Variants in LINGO2 observed in about 807,000 individuals in gnomAD.
The protein encoded by LINGO2 is leucine rich repeat and Ig domain containing 2, also known as leucine-rich repeat and immunoglobulin-like domain-containing nogo receptor-interacting protein 2.
Under a neutral mutation model 30.6 loss-of-function variants are expected in LINGO2, and 14 were observed. The ratio of observed to expected loss-of-function variants is 0.46; its 90% confidence interval spans 0.30 to 0.72. The LOEUF is 0.72. LINGO2 is among the 30% of genes least tolerant of loss of function. The pLI is 0.07. For missense variants in LINGO2, 729 were observed against 751.7 expected, an observed-to-expected ratio of 0.97 and a Z score of 0.35; for synonymous variants, 317 against 288.5, an observed-to-expected ratio of 1.10 and a Z score of -1.00.
At chr9:29,166,141 A>G in the LINGO2 span, among the ~76,000 whole-genome samples, 31 of 152,152 alleles carry the variant, frequency 2.0e-4, no homozygotes, top group East Asian at 3.8e-4. Flanking sequence ...AACACGAATT[A>G]GGCAAGTAGA....
intron 1 of LINGO2, among the ~76,000 whole-genome samples, chr9:28,478,121 G>T (rs10757745): frequency 0.64 from 97,456 of 151,828 alleles, 31,411 homozygotes; most frequent in South Asian, 0.74. Flanking sequence ...ATCTATTATC[G>T]CTCCTCCTCA....
chr9:28,362,112 G>A (rs1362132235), intron 3 of LINGO2, among the ~76,000 whole-genome samples: 3 of 152,202 alleles, frequency 2.0e-5, no homozygotes, highest in Non-Finnish European at 4.4e-5. Flanking sequence ...TCTAAAGCTG[G>A]ACGTGGAAAT....
At chr9:28,341,017 T>C (rs1825748527) in intron 3 of LINGO2, among the ~76,000 whole-genome samples, 1 of 152,104 alleles carries the variant, frequency 6.6e-6, no homozygotes, top group South Asian at 2.1e-4. Context: ...TAGAGAATAA[T>C]GCATCATGAA....
the LINGO2 span, among the ~76,000 whole-genome samples, chr9:29,085,850 C>T: frequency 3.3e-5 from 5 of 152,082 alleles, no homozygotes; most frequent in Non-Finnish European, 7.4e-5. Flanking sequence ...GTAATTTGCC[C>T]TATTAACATA....
At chr9:29,031,614 T>C in the LINGO2 span, among the ~76,000 whole-genome samples, 1 of 152,262 alleles carries the variant, frequency 6.6e-6, no homozygotes, top group African/African-American at 2.4e-5. Flanking sequence ...TCCATATCTA[T>C]GACACTGAGT....
intron 4 of LINGO2, among the ~76,000 whole-genome samples, chr9:28,165,129 T>C (rs1828391116): frequency 6.6e-6 from 1 of 152,252 alleles, no homozygotes; most frequent in South Asian, 2.1e-4. Flanking sequence ...TCATTGTTAC[T>C]GCTTCCATTT....
chr9:28,876,054 A>AT, the LINGO2 span, among the ~76,000 whole-genome samples: 1 of 152,190 alleles, frequency 6.6e-6, no homozygotes, highest in East Asian at 1.9e-4. Context: ...CACTCCGAGT[A>AT]TTTTTTAAAC....
the LINGO2 span, among the ~76,000 whole-genome samples, chr9:29,184,411 A>AATAT: frequency 8.0e-6 from 1 of 124,284 alleles, no homozygotes; most frequent in Admixed American, 9.5e-5. Flanking sequence ...CTGCCAAGTA[A>AATAT]ATGTATTTTA....
chr9:28,179,321 A>G (rs1335347924), intron 4 of LINGO2, among the ~76,000 whole-genome samples: 2 of 144,506 alleles, frequency 1.4e-5, no homozygotes, highest in Admixed American at 1.4e-4. Context: ...TATATACTAT[A>G]CTATATGTAT....
chr9:29,114,176 A>T, the LINGO2 span, among the ~76,000 whole-genome samples: 1 of 150,940 alleles, frequency 6.6e-6, no homozygotes, highest in Non-Finnish European at 1.5e-5. Context: ...TTAATAATAT[A>T]TATATTTTTT....
At chr9:29,142,149 G>A in the LINGO2 span, among the ~76,000 whole-genome samples, 1 of 151,880 alleles carries the variant, frequency 6.6e-6, no homozygotes, top group South Asian at 2.1e-4. Flanking sequence ...TAAATGACAT[G>A]TTAGGCCACA....
the LINGO2 span, among the ~76,000 whole-genome samples, chr9:28,785,474 G>A: frequency 2.6e-5 from 4 of 152,030 alleles, no homozygotes; most frequent in Admixed American, 6.6e-5. Context: ...TACAGAAATC[G>A]CTTTGCTTAT....
chr9:28,094,516 T>A (rs1826187657), intron 4 of LINGO2, among the ~76,000 whole-genome samples: 1 of 150,644 alleles, frequency 6.6e-6, no homozygotes, highest in Admixed American at 6.6e-5. Flanking sequence ...AGGGGATATG[T>A]GTGTGTGTGT....
chr9:29,143,863 G>C, the LINGO2 span, among the ~76,000 whole-genome samples: 213 of 152,242 alleles, frequency 1.4e-3, no homozygotes, highest in African/African-American at 5.0e-3. Flanking sequence ...GTCCTGAATT[G>C]TATTGCCTAG....
chr9:27,950,021 A>G (rs112609154), exon 6 of LINGO2: 45 of 1,614,030 alleles, frequency 2.8e-5, no homozygotes, highest in Middle Eastern at 1.6e-4. Context: ...AGGCATACAC[A>G]GGCATATTGT....
At chr9:28,353,199 A>AT (rs1819988165) in intron 3 of LINGO2, among the ~76,000 whole-genome samples, 1 of 135,492 alleles carries the variant, frequency 7.4e-6, no homozygotes, top group Non-Finnish European at 1.6e-5. Flanking sequence ...AGAAACTACC[A>AT]TCAGAGTGAA....
At chr9:28,528,674 C>A (rs1200195935) in intron 1 of LINGO2, among the ~76,000 whole-genome samples, 3 of 152,030 alleles carry the variant, frequency 2.0e-5, no homozygotes, top group Admixed American at 2.0e-4. Context: ...AATAACTCTA[C>A]AAGAGATACT....
the LINGO2 span, among the ~76,000 whole-genome samples, chr9:29,123,150 C>T: frequency 6.6e-6 from 1 of 151,948 alleles, no homozygotes; most frequent in Non-Finnish European, 1.5e-5. Context: ...CAGGAGAAGG[C>T]AATGTAGACT....
chr9:28,781,076 C>T, the LINGO2 span, among the ~76,000 whole-genome samples: 2 of 151,988 alleles, frequency 1.3e-5, no homozygotes, highest in Non-Finnish European at 2.9e-5. Context: ...TCTTAGAAGC[C>T]TTGTATTTCA....
Sources: allele counts gnomAD v4.1 joint callset (sites outside exome capture counted in the v4.1 genomes callset), GRCh38; gene constraint gnomAD v4.1.1; transcripts MANE v1.5; gene names NCBI Gene and HGNC (gene_info 2026-07-23, HGNC 2026-07-21).